PCDH7: variants seen among roughly 807,000 people sequenced by gnomAD.
PCDH7 encodes protocadherin-7.
A neutral mutation model predicts 58.9 loss-of-function variants in PCDH7; 17 were observed. The observed-to-expected ratio is 0.29, with a 90% CI of 0.20 to 0.43. The LOEUF is 0.43. Ranked by LOEUF, PCDH7 falls within the 20% of genes least tolerant of loss-of-function variation. The pLI is 1.00. For synonymous variants in PCDH7, 664 were observed against 616.4 expected, an observed-to-expected ratio of 1.08 and a Z score of -1.14; for missense variants, 1,274 against 1,441.0, an observed-to-expected ratio of 0.88 and a Z score of 1.88.
intron 1 of PCDH7, among the ~76,000 whole-genome samples, chr4:30,791,016 C>T (rs1326413482): frequency 6.6e-6 from 1 of 152,062 alleles, no homozygotes; most frequent in African/African-American, 2.4e-5. Flanking sequence ...TCCAATTTAC[C>T]TGCTTTGTGG....
At chr4:30,797,526 G>A (rs528300171) in intron 1 of PCDH7, among the ~76,000 whole-genome samples, 182 of 150,826 alleles carry the variant, frequency 1.2e-3, no homozygotes, top group Non-Finnish European at 2.1e-3. Flanking sequence ...TGCCCGCCTC[G>A]GTCTCCCAAA....
chr4:30,862,880 G>A (rs574117673), intron 1 of PCDH7, among the ~76,000 whole-genome samples: 12 of 151,992 alleles, frequency 7.9e-5, no homozygotes, highest in African/African-American at 2.4e-4. Context: ...ATTTAGTGTC[G>A]CCCTGAACCA....
chr4:30,868,400 A>C (rs1735144043), intron 1 of PCDH7, among the ~76,000 whole-genome samples: 1 of 152,222 alleles, frequency 6.6e-6, no homozygotes, highest in African/African-American at 2.4e-5. Context: ...TGCTGACTTA[A>C]GTTCCTTGCT....
At chr4:30,869,039 C>T (rs755104532) in intron 1 of PCDH7, 62 of 152,054 alleles carry the variant, frequency 4.1e-4, no homozygotes, top group African/African-American at 1.4e-3. Flanking sequence ...TGGAGAACAA[C>T]GTGTTAATCT....
chr4:30,981,050 G>C (rs1474002502), intron 3 of PCDH7, among the ~76,000 whole-genome samples: 1 of 152,142 alleles, frequency 6.6e-6, no homozygotes, highest in Non-Finnish European at 1.5e-5. Context: ...CACCATGTTG[G>C]CCAGGCTGGT....
chr4:31,043,895 G>A (rs1050807154), intron 3 of PCDH7, among the ~76,000 whole-genome samples: 4 of 152,112 alleles, frequency 2.6e-5, no homozygotes, highest in African/African-American at 9.7e-5. Context: ...CAAGGCAATT[G>A]CTTTGTCATG....
intron 3 of PCDH7, among the ~76,000 whole-genome samples, chr4:31,029,505 G>A (rs1181503332): frequency 6.6e-6 from 1 of 152,162 alleles, no homozygotes; most frequent in Non-Finnish European, 1.5e-5. Flanking sequence ...AAGGCTTTGA[G>A]GGCACATTAC....
At chr4:30,952,471 G>GA (rs202022077) in intron 3 of PCDH7, among the ~76,000 whole-genome samples, 7 of 145,758 alleles carry the variant, frequency 4.8e-5, no homozygotes, top group African/African-American at 5.0e-5. Flanking sequence ...AAATTAAGGA[G>GA]AAAAAAAAAA....
intron 1 of PCDH7, among the ~76,000 whole-genome samples, chr4:30,841,469 A>C (rs1731208879): frequency 6.6e-6 from 1 of 152,160 alleles, no homozygotes; most frequent in South Asian, 2.1e-4. Context: ...GCAGTCCAGC[A>C]ACTTCTTTGA....
chr4:30,927,568 T>TGC (rs1231174470), intron 2 of PCDH7, among the ~76,000 whole-genome samples: 10 of 152,038 alleles, frequency 6.6e-5, no homozygotes, highest in African/African-American at 2.2e-4. Flanking sequence ...CCCAACCCTG[T>TGC]GCTCTCTGAA....
chr4:30,953,880 A>T (rs1200567335), intron 3 of PCDH7, among the ~76,000 whole-genome samples: 2 of 152,136 alleles, frequency 1.3e-5, no homozygotes, highest in Non-Finnish European at 2.9e-5. Flanking sequence ...GAAGTAAAAG[A>T]CAAGCACAAC....
intron 3 of PCDH7, among the ~76,000 whole-genome samples, chr4:31,035,810 A>G (rs1578621453): frequency 2.0e-5 from 3 of 152,246 alleles, no homozygotes; most frequent in Admixed American, 2.0e-4. Flanking sequence ...TTCCTTGAGG[A>G]TGTGGAAGGA....
chr4:30,900,863 A>AT (rs1418106101), intron 1 of PCDH7, among the ~76,000 whole-genome samples: 2 of 152,208 alleles, frequency 1.3e-5, no homozygotes, highest in African/African-American at 4.8e-5. Context: ...CAATATGATG[A>AT]TAAAAAATAG....
chr4:31,033,466 A>G (rs1187384970), intron 3 of PCDH7, among the ~76,000 whole-genome samples: 2 of 152,240 alleles, frequency 1.3e-5, no homozygotes, highest in African/African-American at 4.8e-5. Context: ...AGAAATATCG[A>G]GAGGACTATT....
intron 1 of PCDH7, among the ~76,000 whole-genome samples, chr4:30,865,626 C>T (rs1022043074): frequency 1.3e-5 from 2 of 151,962 alleles, no homozygotes; most frequent in Non-Finnish European, 2.9e-5. Flanking sequence ...TGTAAATATT[C>T]TTAATAATTT....
At chr4:31,053,197 A>G (rs534341523) in intron 3 of PCDH7, among the ~76,000 whole-genome samples, 3 of 152,082 alleles carry the variant, frequency 2.0e-5, no homozygotes, top group Non-Finnish European at 4.4e-5. Context: ...AGAGTTTTGC[A>G]TACCCATCAC....
At chr4:30,951,173 T>C (rs1159244531) in intron 3 of PCDH7, among the ~76,000 whole-genome samples, 1 of 152,168 alleles carries the variant, frequency 6.6e-6, no homozygotes, top group African/African-American at 2.4e-5. Flanking sequence ...ATAGCAGCAT[T>C]ATTTGTAGTA....
At chr4:31,038,544 A>C (rs1441905550) in intron 3 of PCDH7, among the ~76,000 whole-genome samples, 1 of 152,180 alleles carries the variant, frequency 6.6e-6, no homozygotes, top group Non-Finnish European at 1.5e-5. Flanking sequence ...TTTTCATTAT[A>C]ATTTTAATGA....
chr4:30,996,669 T>G (rs928883624), intron 3 of PCDH7, among the ~76,000 whole-genome samples: 2 of 152,296 alleles, frequency 1.3e-5, no homozygotes, highest in East Asian at 3.9e-4. Flanking sequence ...CTGGGGAAAC[T>G]TGGTTTTATT....
Sources: gnomAD v4.1 joint callset for allele counts (sites outside exome capture counted in the v4.1 genomes callset) on GRCh38, gnomAD v4.1.1 for gene constraint, MANE v1.5 for transcripts, NCBI Gene and HGNC (gene_info 2026-07-23, HGNC 2026-07-21) for gene names.